Variants in ALKAL1 observed in about 807,000 individuals in gnomAD.
ALKAL1 encodes the protein ALK and LTK ligand 1.
Under a neutral mutation model 13.5 loss-of-function variants are expected in ALKAL1, and 23 were observed. The observed-to-expected ratio is 1.70, with a 90% CI of 1.23 to 2.41. The LOEUF is 2.41. Ranked by LOEUF, ALKAL1 falls within the 30% of genes most tolerant of loss-of-function variation. The probability of loss-of-function intolerance (pLI) is 0.00; values close to 1 mark genes in which losing one functional copy is unlikely to be tolerated. For missense variants in ALKAL1, 181 were observed against 178.4 expected (o/e 1.01, Z -0.08); for synonymous variants, 85 against 77.7 (o/e 1.09, Z -0.49).
At chr8:52,553,914 C>T (rs1462122125) in intron 1 of ALKAL1, among the ~76,000 whole-genome samples, 3 of 152,084 alleles carry the variant, frequency 2.0e-5, no homozygotes, top group South Asian at 2.1e-4. Context: ...AAAAGATAAA[C>T]GAGATTCTTA....
chr8:52,535,917 A>G (rs1160051770), intron 4 of ALKAL1, among the ~76,000 whole-genome samples: 3 of 151,716 alleles, frequency 2.0e-5, no homozygotes, highest in Admixed American at 2.0e-4. Flanking sequence ...TTCATGAGTA[A>G]TCTTAGACTA....
chr8:52,565,206 C>A lies in ALKAL1; in HGVS notation c.51G>T (p.Ala17=). The A allele has an allele frequency of 7.5e-7, 1 of 1,339,134 alleles. No individual in the cohort carries two copies. Among genetic ancestry groups the A allele is most frequent in the Non-Finnish European group, 9.6e-7 (1 of 1,037,510 alleles). 83.0% of individuals were successfully genotyped at this position (1,339,134 alleles called of 1,614,324 possible). A position where few individuals can be genotyped will look rare whatever the true frequency, so the allele number is the denominator to read the frequency against. The change falls in exon 1 of 5, where the codon GCG becomes GCT. Residue 17 remains alanine, a synonymous_variant. Coordinates refer to ENST00000358543, the MANE Select transcript of ALKAL1 (RefSeq NM_207413.4). The stretch of plus-strand genomic sequence containing the variant: ...GGGCTCCGTGCGGGGACAAAGCCAG[C>A]GCCAGCAGGAAGAGTGCGGGCAAAG... ...GAPLPALFLL[A]LALSPHGAHG... is the part of the protein sequence containing the mutation.
rs59483863 is a variant in ALKAL1, at chr8:52,556,646, CAAAAAA to C, written c.190+8415_190+8420del. On this transcript the variant is annotated intron_variant, in intron 1 of 4. Transcript: ENST00000358543. ...TGGGCGACAGAGCGAAACTCTGTCTCAAAAAAAAAAAAAAAAAAAAAAAAAAAAGAT... is the reference window on the plus strand; with the variant it reads ...TGGGCGACAGAGCGAAACTCTGTCTCAAAAAAAAAAAAAAAAAAAAAAGAT... Among the ~76,000 whole-genome samples the C allele has an allele frequency of 2.1e-4, 11 of 51,368 alleles. No individual in the cohort carries two copies. The East Asian group carries it at 4.0e-3, about 19-fold the overall frequency. 33.7% of individuals were successfully genotyped at this position (51,368 alleles called of 152,430 possible).
rs149328002 is a variant in ALKAL1 at position 52,557,851 on chromosome 8, G to A, written c.190+7216C>T. Among the ~76,000 whole-genome samples, 427 of 151,760 alleles carry A rather than the reference G, an allele frequency of 2.8e-3. 1 individual carries two copies. The highest frequency in any genetic ancestry group is 0.01 in the African/African-American group (415 of 41,342). On this transcript the variant is annotated intron_variant, in intron 1 of 4. Coordinates refer to ENST00000358543, the MANE Select transcript of ALKAL1 (RefSeq NM_207413.4). The stretch of plus-strand genomic sequence containing the variant: ...ACACAAAAAAATTACTGGGTGTGGT[G>A]GCATGTGCCTGTAGTCCCAGCTACT...
At chr8:52,564,709 G>A (rs146141402) in intron 1 of ALKAL1, among the ~76,000 whole-genome samples, 1 of 152,274 alleles carries the variant, frequency 6.6e-6, no homozygotes, top group Non-Finnish European at 1.5e-5. Flanking sequence ...AACCCCGGAA[G>A]ATCCAGAAAT....
intron 1 of ALKAL1, among the ~76,000 whole-genome samples, chr8:52,544,532 T>G (rs954635960): frequency 5.9e-5 from 9 of 152,064 alleles, no homozygotes; most frequent in African/African-American, 2.2e-4. Context: ...CTGTGGGTGA[T>G]GAGAAGTCAA....
intron 2 of ALKAL1, among the ~76,000 whole-genome samples, chr8:52,541,313 G>A (rs549689523): frequency 6.6e-6 from 1 of 152,014 alleles, no homozygotes; most frequent in African/African-American, 2.4e-5. Context: ...CATATCTAGA[G>A]AAAATAAAAA....
intron 1 of ALKAL1, among the ~76,000 whole-genome samples, chr8:52,546,557 C>T (rs1225386567): frequency 3.9e-5 from 6 of 152,202 alleles, no homozygotes; most frequent in Non-Finnish European, 5.9e-5. Flanking sequence ...TAGCTTATGC[C>T]CCTTCCTTAT....
chr8:52,560,850 T>C (rs1469604356), intron 1 of ALKAL1, among the ~76,000 whole-genome samples: 3 of 152,156 alleles, frequency 2.0e-5, no homozygotes, highest in African/African-American at 4.8e-5. Context: ...CCAAATCTAC[T>C]TGGTGAAAAA....
chr8:52,548,766 T>C lies in ALKAL1; in HGVS notation c.191-6321A>G, dbSNP rs1213195572. On this transcript the variant is annotated intron_variant, in intron 1 of 4. Coordinates refer to ENST00000358543, the MANE Select transcript of ALKAL1 (RefSeq NM_207413.4). ...TTGGAACAATTTGAATAAATGACTA[T>C]CTCATTCATCCAATTTGTAAAAGTT... Among the ~76,000 whole-genome samples, 6 of 152,278 alleles carry C rather than the reference T, an allele frequency of 3.9e-5. No individual in the cohort carries two copies. In the South Asian group the frequency reaches 1.0e-3, roughly 26 times the overall value.
chr8:52,538,570 T>C (rs1443323044), intron 3 of ALKAL1, 63 bp from the exon 4 acceptor site: 1 of 1,069,602 alleles, frequency 9.3e-7, no homozygotes, highest in Admixed American at 2.0e-5. Context: ...GGAAATCCTG[T>C]TATTATTGTC....
intron 2 of ALKAL1, among the ~76,000 whole-genome samples, chr8:52,541,039 C>G (rs1182781826): frequency 6.6e-6 from 1 of 152,094 alleles, no homozygotes; most frequent in Non-Finnish European, 1.5e-5. Flanking sequence ...AGAGGCAATG[C>G]CAATAGTAAA....
At chr8:52,558,029 C>T (rs1847502604) in intron 1 of ALKAL1, among the ~76,000 whole-genome samples, 1 of 150,546 alleles carries the variant, frequency 6.6e-6, no homozygotes, top group African/African-American at 2.4e-5. Flanking sequence ...TGCAGTGGCT[C>T]ACTCCTGTAA....
intron 2 of ALKAL1, among the ~76,000 whole-genome samples, chr8:52,540,362 AT>A (rs1847301272): frequency 6.6e-6 from 1 of 152,188 alleles, no homozygotes; most frequent in Non-Finnish European, 1.5e-5. Context: ...ACTGTCTAGG[AT>A]AATTGTAAAA....
chr8:52,539,072 G>A (rs1429472819), intron 3 of ALKAL1, among the ~76,000 whole-genome samples: 3 of 151,994 alleles, frequency 2.0e-5, no homozygotes, highest in East Asian at 1.9e-4. Flanking sequence ...GATTACAGTC[G>A]TGAGCCAACA....
intron 1 of ALKAL1, among the ~76,000 whole-genome samples, chr8:52,547,093 C>A (rs1847377002): frequency 6.6e-6 from 1 of 152,126 alleles, no homozygotes; most frequent in African/African-American, 2.4e-5. Context: ...GAATATAAAT[C>A]TGTATTAATT....
At chr8:52,539,705 T>C (rs1847294350) in intron 3 of ALKAL1, 126 bp downstream of exon 3, 2 of 689,098 alleles carry the variant, frequency 2.9e-6, no homozygotes, top group Non-Finnish European at 4.8e-6. Flanking sequence ...GTGTTCTAAA[T>C]CAGTGTTATA....
chr8:52,544,759 C>CA (rs34453161), intron 1 of ALKAL1, among the ~76,000 whole-genome samples: 7 of 148,758 alleles, frequency 4.7e-5, no homozygotes, highest in Non-Finnish European at 8.9e-5. Flanking sequence ...TTCTCACCAC[C>CA]AAAAAAAAAG....
intron 4 of ALKAL1, among the ~76,000 whole-genome samples, chr8:52,535,087 C>T (rs979106014): frequency 3.9e-5 from 6 of 152,110 alleles, no homozygotes; most frequent in Non-Finnish European, 8.8e-5. Context: ...AATTATAACA[C>T]AGTACTTGTT....
Sources: allele counts gnomAD v4.1 joint callset (sites outside exome capture counted in the v4.1 genomes callset), GRCh38; gene constraint gnomAD v4.1.1; transcripts MANE v1.5; gene names NCBI Gene and HGNC (gene_info 2026-07-23, HGNC 2026-07-21).